Variants in UBQLN1 observed in about 807,000 individuals in gnomAD.
UBQLN1 encodes ubiquilin-1.
A neutral mutation model predicts 65.4 loss-of-function variants in UBQLN1; 13 were observed. The observed-to-expected ratio is 0.20, with a 90% CI of 0.13 to 0.32. The LOEUF (loss-of-function observed/expected upper bound fraction) is 0.32. Among genes scored for constraint, UBQLN1 ranks in the 10% least tolerant of loss-of-function variants. The probability of loss-of-function intolerance (pLI) is 1.00; values close to 1 mark genes in which losing one functional copy is unlikely to be tolerated. For synonymous variants in UBQLN1, 267 were observed against 247.8 expected (o/e 1.08, Z -0.73); for missense variants, 561 against 724.0 (o/e 0.77, Z 2.58).
In UBQLN1 at chr9:83,669,230, T is replaced by C. The variant is rs780351448; in HGVS notation, c.1203A>G (p.Arg401=). ...MQNMLSAPYM[R]SMMQSLSQNP... is the part of the protein sequence containing the mutation. ...TCTGGCTTAGTGACTGCATCATGCT[T>C]CTCATGTAGGGGGCAGACAACATGT... The change falls in exon 7 of 11, where the codon AGA becomes AGG. Residue 401 remains arginine, a synonymous_variant. Coordinates refer to ENST00000376395, the MANE Select transcript of UBQLN1 (RefSeq NM_013438.5). The C allele has an allele frequency of 6.2e-7, 1 of 1,612,112 alleles. No homozygotes were observed. Among genetic ancestry groups the C allele is most frequent in the Non-Finnish European group, 8.5e-7 (1 of 1,179,662 alleles).
At chr9:83,661,969 T>C in intron 10 of UBQLN1, 30 bp from the exon 11 acceptor site, 1 of 1,595,890 alleles carries the variant, frequency 6.3e-7, no homozygotes, top group Non-Finnish European at 8.5e-7. Flanking sequence ...TTAATCCAAC[T>C]CTAAAGGAAG....
chr9:83,686,178 T>C (rs1414230278), intron 1 of UBQLN1, 23 bp from the exon 2 acceptor site: 6 of 1,471,438 alleles, frequency 4.1e-6, no homozygotes, highest in African/African-American at 2.9e-5. Context: ...AAAATAAGTA[T>C]GTATTACAGT....
At chr9:83,697,648 C>A (rs78714386) in intron 1 of UBQLN1, among the ~76,000 whole-genome samples, 24,310 of 150,370 alleles carry the variant, frequency 0.16, 2,991 homozygotes, top group East Asian at 0.51. Context: ...CTCTGCCTCG[C>A]AGATTCAAGA....
chr9:83,665,422 C>G (rs902984397), intron 8 of UBQLN1: 5 of 311,284 alleles, frequency 1.6e-5, no homozygotes, highest in Non-Finnish European at 2.9e-5. Context: ...CAACTATTCC[C>G]CTTCTCCAAC....
At chr9:83,675,310 C>T (rs1011732469) in intron 6 of UBQLN1, among the ~76,000 whole-genome samples, 4 of 152,112 alleles carry the variant, frequency 2.6e-5, no homozygotes, top group South Asian at 2.1e-4. Context: ...TATATGAATT[C>T]GTTTTTGTTA....
Position 83,671,564 on chromosome 9 carries a change from C to G in UBQLN1, c.1106-2237G>C, listed in dbSNP as rs77222674. On this transcript the variant is annotated intron_variant, in intron 6 of 10. Coordinates refer to ENST00000376395, the MANE Select transcript of UBQLN1 (RefSeq NM_013438.5). The stretch of plus-strand genomic sequence containing the variant: ...TGACTACATGCACTGTCAATGAGCA[C>G]TAATATTTTGAAAGGAATCTTTTCC... 8.3e-3 allele frequency among the ~76,000 whole-genome samples: 1,269 copies of G among 152,218 alleles called. 36 individuals carry two copies. The highest frequency in any genetic ancestry group is 0.046 in the East Asian group (238 of 5,184).
At chr9:83,690,240 G>A (rs1356651491) in intron 1 of UBQLN1, among the ~76,000 whole-genome samples, 1 of 152,162 alleles carries the variant, frequency 6.6e-6, no homozygotes, top group African/African-American at 2.4e-5. Flanking sequence ...ATAGTCATTT[G>A]ATAGATTACC....
intron 3 of UBQLN1, among the ~76,000 whole-genome samples, chr9:83,681,775 T>C (rs541464964): frequency 6.6e-6 from 1 of 152,340 alleles, no homozygotes; most frequent in South Asian, 2.1e-4. Flanking sequence ...GCCAAAGGAC[T>C]ACAAGAAATG....
intron 8 of UBQLN1, 136 bp from the exon 9 acceptor site, chr9:83,665,281 C>G: frequency 5.4e-6 from 3 of 557,298 alleles, no homozygotes; most frequent in Non-Finnish European, 8.9e-6. Flanking sequence ...TAATTTCTTT[C>G]CCAAAATAAA....
At chr9:83,669,919 G>A (rs1221053083) in intron 6 of UBQLN1, among the ~76,000 whole-genome samples, 1 of 152,144 alleles carries the variant, frequency 6.6e-6, no homozygotes, top group Non-Finnish European at 1.5e-5. Context: ...TAACCCATGT[G>A]ATCTTGGGCA....
At chr9:83,665,270 A>G in intron 8 of UBQLN1, 125 bp from the exon 9 acceptor site, 1 of 586,680 alleles carries the variant, frequency 1.7e-6, no homozygotes, top group Non-Finnish European at 2.8e-6. Flanking sequence ...CTGGTAATCC[A>G]TAATTTCTTT....
Position 83,678,633 on chromosome 9 carries a change from A to C in UBQLN1, c.712-34T>G, listed in dbSNP as rs776110663. 3.8e-6 allele frequency: 6 copies of C among 1,584,994 alleles called. No individual in the cohort carries two copies. In the South Asian group the frequency reaches 4.7e-5, roughly 12 times the overall value. On this transcript the variant is annotated intron_variant, in intron 4 of 10. Coordinates refer to ENST00000376395, the MANE Select transcript of UBQLN1 (RefSeq NM_013438.5). ...AATATTTCCAAAAAAAGAAAAAAAA[A>C]AGGCATTGAAATACACATGAATTAC... is the stretch of plus-strand genomic sequence containing the variant.
chr9:83,691,346 A>T (rs569890272), intron 1 of UBQLN1, among the ~76,000 whole-genome samples: 3 of 152,272 alleles, frequency 2.0e-5, no homozygotes, highest in Admixed American at 1.3e-4. Flanking sequence ...TGATCCATTA[A>T]CATCGTATGT....
chr9:83,700,439 T>C (rs752040986), intron 1 of UBQLN1, among the ~76,000 whole-genome samples: 3 of 152,188 alleles, frequency 2.0e-5, no homozygotes, highest in Non-Finnish European at 2.9e-5. Flanking sequence ...CTGTAAATAA[T>C]TTATTGAGCC....
chr9:83,700,664 T>G (rs1420224087), intron 1 of UBQLN1, among the ~76,000 whole-genome samples: 1 of 152,132 alleles, frequency 6.6e-6, no homozygotes, highest in Non-Finnish European at 1.5e-5. Context: ...GGAAAAGGAA[T>G]GGGCAAAGAG....
chr9:83,697,312 G>A (rs1832233226), intron 1 of UBQLN1, among the ~76,000 whole-genome samples: 1 of 150,614 alleles, frequency 6.6e-6, no homozygotes, highest in Non-Finnish European at 1.5e-5. Flanking sequence ...CAGCACTTTG[G>A]GAGGCAAAGG....
At chr9:83,702,817 G>A (rs761566911) in intron 1 of UBQLN1, among the ~76,000 whole-genome samples, 2 of 152,086 alleles carry the variant, frequency 1.3e-5, no homozygotes, top group Non-Finnish European at 2.9e-5. Flanking sequence ...TGACCCTAAG[G>A]CAAGTTGCCT....
intron 1 of UBQLN1, among the ~76,000 whole-genome samples, chr9:83,705,306 T>A (rs1832382715): frequency 6.8e-6 from 1 of 147,242 alleles, no homozygotes; most frequent in South Asian, 2.1e-4. Flanking sequence ...AATGTCGCAA[T>A]CTCGGCTCAC....
At chr9:83,664,816 G>A (rs1037467724) in intron 9 of UBQLN1, among the ~76,000 whole-genome samples, 17 of 151,526 alleles carry the variant, frequency 1.1e-4, no homozygotes, top group Admixed American at 9.9e-4. Context: ...CTACTTGGGA[G>A]GCTGAGGTGA....
Sources: gnomAD v4.1 joint callset for allele counts (sites outside exome capture counted in the v4.1 genomes callset) on GRCh38, gnomAD v4.1.1 for gene constraint, MANE v1.5 for transcripts, NCBI Gene and HGNC (gene_info 2026-07-23, HGNC 2026-07-21) for gene names.